Variants in DSCAM observed in about 807,000 individuals in gnomAD.
DSCAM encodes the protein cell adhesion molecule DSCAM.
Under a neutral mutation model 217.7 loss-of-function variants are expected in DSCAM, and 47 were observed. The observed-to-expected ratio is 0.22, with a 90% CI of 0.17 to 0.28. The LOEUF (loss-of-function observed/expected upper bound fraction) is 0.28, where lower values mean the gene tolerates loss of function less well. Ranked by LOEUF, DSCAM falls within the 10% of genes least tolerant of loss-of-function variation. The pLI is 1.00. For missense variants in DSCAM, 2,080 were observed against 2,618.3 expected, an observed-to-expected ratio of 0.79 and a Z score of 4.49; for synonymous variants, 1,056 against 1,015.3, an observed-to-expected ratio of 1.04 and a Z score of -0.76.
At chr21:40,184,137 C>G (rs553003489) in intron 14 of DSCAM, among the ~76,000 whole-genome samples, 165 of 152,280 alleles carry the variant, frequency 1.1e-3, no homozygotes, top group African/African-American at 3.7e-3. Flanking sequence ...GGGAAGGCTT[C>G]CTGGAAGAAG....
Position 40,222,319 on chromosome 21 carries a change from A to G in DSCAM, c.2357-33081T>C, listed in dbSNP as rs117415462. Among the ~76,000 whole-genome samples the G allele has an allele frequency of 2.8e-3, 433 of 152,382 alleles. 2 individuals are homozygous for G. The highest frequency in any genetic ancestry group is 3.5e-3 in the Non-Finnish European group (236 of 68,030). The stretch of plus-strand genomic sequence containing the variant: ...GTGAATAAATACTTTCCAAAAACCA[A>G]TGCATGGTGTTATAAAATCATGCAT... On this transcript the variant is annotated intron_variant, in intron 11 of 32. Transcript: ENST00000400454.
At chr21:40,522,605 G>A (rs2076367698) in intron 3 of DSCAM, among the ~76,000 whole-genome samples, 1 of 152,210 alleles carries the variant, frequency 6.6e-6, no homozygotes, top group East Asian at 1.9e-4. Flanking sequence ...ATGAATCCTT[G>A]CTGATGCAGG....
chr21:40,337,126 C>T (rs1037791033), intron 8 of DSCAM, among the ~76,000 whole-genome samples: 14 of 151,968 alleles, frequency 9.2e-5, no homozygotes, highest in African/African-American at 1.9e-4. Flanking sequence ...TGTCTGTATG[C>T]GTTCTCACAA....
At chr21:40,182,346 G>C (rs1030932046) in intron 14 of DSCAM, among the ~76,000 whole-genome samples, 3 of 152,080 alleles carry the variant, frequency 2.0e-5, no homozygotes, top group Admixed American at 2.0e-4. Flanking sequence ...AAGACCAAGA[G>C]AGGAGAGGGG....
rs142380501 is a variant in DSCAM at position 40,513,495 on chromosome 21, C to G, written c.509-144250G>C. On this transcript the variant is annotated intron_variant, in intron 3 of 32. Transcript: ENST00000400454. ...CAACATCTGCTTCTGGTGAGTGCCT[C>G]AGGGAGCTTCAAATCATGGTGGAAG... Among the ~76,000 whole-genome samples, 873 of 152,228 alleles carry G rather than the reference C, an allele frequency of 5.7e-3. 6 individuals are homozygous for G. Among genetic ancestry groups the G allele is most frequent in the Non-Finnish European group, 9.3e-3 (630 of 68,010 alleles).
At chr21:40,036,200 C>A (rs2146459602) in intron 32 of DSCAM, among the ~76,000 whole-genome samples, 1 of 146,668 alleles carries the variant, frequency 6.8e-6, no homozygotes, top group African/African-American at 2.7e-5. Flanking sequence ...ACACAAAAAA[C>A]CCTTCAAAAA....
rs541112385 is a variant in DSCAM at position 40,577,511 on chromosome 21, G to A, written c.508+115299C>T. On this transcript the variant is annotated intron_variant, in intron 3 of 32. Coordinates refer to ENST00000400454, the MANE Select transcript of DSCAM (RefSeq NM_001389.5). The stretch of plus-strand genomic sequence containing the variant: ...GGAGCCCGGAGCGAGACTGGCTCTC[G>A]CCCAGTGGCGTTAATATCTTGCTGG... Among the ~76,000 whole-genome samples the A allele has an allele frequency of 3.9e-5, 6 of 152,180 alleles. No individual in the cohort carries two copies. The South Asian group carries it at 6.2e-4, about 16-fold the overall frequency.
At chr21:40,238,855 C>T (rs1050140420) in intron 11 of DSCAM, among the ~76,000 whole-genome samples, 4 of 152,172 alleles carry the variant, frequency 2.6e-5, no homozygotes, top group African/African-American at 9.7e-5. Flanking sequence ...GTGAGAATGA[C>T]TGTGCCCTTC....
chr21:40,329,656 ATAAT>A (rs1453454176), intron 8 of DSCAM, among the ~76,000 whole-genome samples: 27 of 137,740 alleles, frequency 2.0e-4, no homozygotes, highest in South Asian at 4.6e-4. Context: ...AAATAAATAA[ATAAT>A]AAAAATAAAA....
At chr21:40,603,240 G>T (rs1243808642) in intron 3 of DSCAM, among the ~76,000 whole-genome samples, 1 of 151,942 alleles carries the variant, frequency 6.6e-6, no homozygotes, top group Non-Finnish European at 1.5e-5. Flanking sequence ...GTCTTTTATA[G>T]TCCAGAATAT....
At chr21:40,632,399 G>A (rs951865422) in intron 3 of DSCAM, among the ~76,000 whole-genome samples, 1 of 152,074 alleles carries the variant, frequency 6.6e-6, no homozygotes, top group African/African-American at 2.4e-5. Flanking sequence ...ATATACATAT[G>A]CATACACAAA....
chr21:40,707,222 T>C (rs117789733), intron 2 of DSCAM, among the ~76,000 whole-genome samples: 3,080 of 152,354 alleles, frequency 0.02, 44 homozygotes, highest in Middle Eastern at 0.082. Context: ...TACGCTTTTA[T>C]AACACATCAT....
chr21:40,122,048 C>A (rs2090040716), intron 20 of DSCAM, among the ~76,000 whole-genome samples: 1 of 152,098 alleles, frequency 6.6e-6, no homozygotes, highest in African/African-American at 2.4e-5. Context: ...CAGGTCAAAT[C>A]CCATTGTTCT....
intron 8 of DSCAM, among the ~76,000 whole-genome samples, chr21:40,315,845 C>T (rs1325802791): frequency 1.3e-5 from 2 of 152,136 alleles, no homozygotes; most frequent in Non-Finnish European, 1.5e-5. Flanking sequence ...AAATCAGATT[C>T]TGGGAGTTCA....
At chr21:40,242,828 G>C (rs1241899788) in intron 11 of DSCAM, among the ~76,000 whole-genome samples, 2 of 152,226 alleles carry the variant, frequency 1.3e-5, no homozygotes, top group Admixed American at 6.5e-5. Flanking sequence ...TAAGAAGCAG[G>C]TTGCTGCGTA....
intron 32 of DSCAM, among the ~76,000 whole-genome samples, chr21:40,013,916 C>T (rs1186227396): frequency 6.6e-6 from 1 of 152,230 alleles, no homozygotes; most frequent in Admixed American, 6.5e-5. Flanking sequence ...AGCGCCACAG[C>T]TTATGGCCTT....
intron 3 of DSCAM, among the ~76,000 whole-genome samples, chr21:40,535,434 T>C (rs936881269): frequency 6.6e-6 from 1 of 152,232 alleles, no homozygotes; most frequent in Non-Finnish European, 1.5e-5. Context: ...CAATAAGCCT[T>C]AGTTTCCTTA....
chr21:40,692,868 C>T lies in DSCAM; in HGVS notation c.450G>A (p.Ser150=), dbSNP rs771827647. 34 of 1,613,846 alleles carry T rather than the reference C, an allele frequency of 2.1e-5. No individual in the cohort carries two copies. In the Admixed American group the frequency reaches 3.2e-4, roughly 15 times the overall value. ...VAVFKCIIPS[S]VEAYITVVSW... ...AGACGACAGTGATGTACGCCTCCAC[C>T]GAGGAGGGGATAATGCACTTGAAGA... Residue 150 remains serine (S), a synonymous_variant, in exon 3 of 33, where the codon TCG becomes TCA. Coordinates refer to ENST00000400454, the MANE Select transcript of DSCAM (RefSeq NM_001389.5).
intron 1 of DSCAM, among the ~76,000 whole-genome samples, chr21:40,773,261 A>C (rs1330854699): frequency 1.3e-5 from 2 of 152,240 alleles, no homozygotes; most frequent in Non-Finnish European, 2.9e-5. Flanking sequence ...TGCTTTAAAC[A>C]ATAGAAATTT....
Sources: gnomAD v4.1 joint callset for allele counts (sites outside exome capture counted in the v4.1 genomes callset) on GRCh38, gnomAD v4.1.1 for gene constraint, MANE v1.5 for transcripts, NCBI Gene and HGNC (gene_info 2026-07-23, HGNC 2026-07-21) for gene names.